Variants in NMBR observed in about 807,000 individuals in gnomAD.
NMBR encodes the protein neuromedin B receptor.
NMBR carries 16 observed loss-of-function variants against 20.5 expected under a neutral mutation model. That is an observed-to-expected ratio of 0.78 (90% CI 0.53 to 1.19). The LOEUF (loss-of-function observed/expected upper bound fraction) is 1.19, where lower values mean the gene tolerates loss of function less well. NMBR is among the 50% of genes most tolerant of loss of function. The pLI, the probability that NMBR is intolerant of heterozygous loss-of-function variation, is 0.00. For synonymous variants in NMBR, 212 were observed against 196.6 expected (o/e 1.08, Z -0.65); for missense variants, 582 against 499.1 (o/e 1.17, Z -1.58).
intron 1 of NMBR, among the ~76,000 whole-genome samples, chr6:142,102,284 G>A (rs1777579088): frequency 6.6e-6 from 1 of 151,726 alleles, no homozygotes; most frequent in Non-Finnish European, 1.5e-5. Context: ...CAGCTACTCA[G>A]GAGACTGAGG....
At chr6:142,108,335 A>G (rs974785556) in intron 1 of NMBR, among the ~76,000 whole-genome samples, 1 of 152,184 alleles carries the variant, frequency 6.6e-6, no homozygotes, top group Non-Finnish European at 1.5e-5. Context: ...GCATGATAAA[A>G]ATGACATTTA....
intron 1 of NMBR, among the ~76,000 whole-genome samples, chr6:142,114,276 G>C (rs552826330): frequency 8.0e-4 from 121 of 152,174 alleles, no homozygotes; most frequent in African/African-American, 2.8e-3. Context: ...TTGCTATTGT[G>C]TGAGATAATC....
intron 1 of NMBR, among the ~76,000 whole-genome samples, chr6:142,110,167 T>C (rs2114588950): frequency 6.6e-6 from 1 of 152,282 alleles, no homozygotes; most frequent in Non-Finnish European, 1.5e-5. Context: ...AGTCTGGCCA[T>C]TCCTCATAAG....
At chr6:142,138,225 A>G (rs979687908) in intron 1 of NMBR, among the ~76,000 whole-genome samples, 3 of 152,286 alleles carry the variant, frequency 2.0e-5, no homozygotes, top group Middle Eastern at 3.4e-3. Context: ...TTAGTAGGGA[A>G]ATCAGTATAG....
intron 1 of NMBR, among the ~76,000 whole-genome samples, chr6:142,137,303 T>C (rs1242286858): frequency 1.3e-5 from 2 of 152,140 alleles, no homozygotes; most frequent in Non-Finnish European, 2.9e-5. Flanking sequence ...GTTTGTCTGT[T>C]ATTGGTGTCT....
At chr6:142,128,508 C>T (rs1411579410) in intron 1 of NMBR, among the ~76,000 whole-genome samples, 1 of 151,890 alleles carries the variant, frequency 6.6e-6, no homozygotes, top group Admixed American at 6.6e-5. Context: ...GTGGGCTTTT[C>T]ATATATGGCC....
rs1452706129 is a variant in NMBR at position 142,121,613 on chromosome 6, A to G, written c.-664+25431T>C. On this transcript the variant is annotated intron_variant, in intron 1 of 3. Transcript: ENST00000258042. ...AGCTTAGCTTCAAAACACATTTTAAAACCTTTTTTTTTCATTTTCTGTTTT... is the reference window on the plus strand; with the variant it reads ...AGCTTAGCTTCAAAACACATTTTAAGACCTTTTTTTTTCATTTTCTGTTTT... Among the ~76,000 whole-genome samples, 8 of 151,852 alleles carry G rather than the reference A, an allele frequency of 5.3e-5. 1 individual carries two copies. Among genetic ancestry groups the G allele is most frequent in the Non-Finnish European group, 1.5e-5 (1 of 67,892 alleles).
At chr6:142,084,055 G>A (rs1055226550) in intron 2 of NMBR, among the ~76,000 whole-genome samples, 2 of 152,104 alleles carry the variant, frequency 1.3e-5, no homozygotes, top group Admixed American at 6.5e-5. Flanking sequence ...AGGGGCAGCT[G>A]GCTAACATGA....
At chr6:142,091,540 TTGTATTCAATA>T (rs1777323535) in intron 1 of NMBR, among the ~76,000 whole-genome samples, 1 of 152,192 alleles carries the variant, frequency 6.6e-6, no homozygotes, top group African/African-American at 2.4e-5. Context: ...AACTTTATTA[TTGTATTCAATA>T]TGTCATATAC....
intron 1 of NMBR, among the ~76,000 whole-genome samples, chr6:142,132,635 T>C (rs1213005936): frequency 1.3e-5 from 2 of 152,208 alleles, no homozygotes; most frequent in African/African-American, 4.8e-5. Flanking sequence ...TTAATTATAC[T>C]CTATGGAAGT....
At chr6:142,101,228 G>A (rs1278773382) in intron 1 of NMBR, among the ~76,000 whole-genome samples, 2 of 152,218 alleles carry the variant, frequency 1.3e-5, no homozygotes, top group African/African-American at 2.4e-5. Flanking sequence ...ATTAGCACAA[G>A]AGCAGGTTCC....
At chr6:142,097,111 C>T (rs1562238062) in intron 1 of NMBR, among the ~76,000 whole-genome samples, 1 of 152,036 alleles carries the variant, frequency 6.6e-6, no homozygotes, top group Non-Finnish European at 1.5e-5. Context: ...ACTGATGGGT[C>T]TTGACTCTTT....
chr6:142,088,623 G>A lies in NMBR; in HGVS notation c.36C>T (p.Thr12=). ...CGGAACCGCTCTCATTCGCGCCGGTGGTCACCGAGAGGTTGGAAAGAGACT... is the reference window on the plus strand; with the variant it reads ...CGGAACCGCTCTCATTCGCGCCGGTAGTCACCGAGAGGTTGGAAAGAGACT... ...PSKSLSNLSV[T]TGANESGSVP... is the part of the protein sequence containing the mutation. Residue 12 remains threonine, a synonymous_variant, in exon 2 of 4, where the codon ACC becomes ACT. Transcript: ENST00000258042. 1.2e-6 allele frequency: 2 copies of A among 1,606,840 alleles called. No homozygotes were observed. The highest frequency in any genetic ancestry group is 2.2e-5 in the South Asian group (2 of 91,036).
At chr6:142,141,798 C>T (rs768766525) in intron 1 of NMBR, among the ~76,000 whole-genome samples, 205 of 152,060 alleles carry the variant, frequency 1.3e-3, no homozygotes, top group Admixed American at 1.9e-3. Flanking sequence ...CCACCACGCC[C>T]GGCCTGAAGT....
At chr6:142,096,855 C>G (rs901180128) in intron 1 of NMBR, among the ~76,000 whole-genome samples, 2 of 151,388 alleles carry the variant, frequency 1.3e-5, no homozygotes, top group Non-Finnish European at 2.9e-5. Context: ...TCTGGGTGCT[C>G]CTGTATTGGG....
intron 1 of NMBR, among the ~76,000 whole-genome samples, chr6:142,130,743 T>A (rs1778124356): frequency 6.6e-6 from 1 of 152,086 alleles, no homozygotes; most frequent in African/African-American, 2.4e-5. Context: ...AGTTATTTAC[T>A]CAAGCATAGT....
chr6:142,123,779 T>A (rs58078308), intron 1 of NMBR, among the ~76,000 whole-genome samples: 1 of 151,834 alleles, frequency 6.6e-6, no homozygotes, highest in Non-Finnish European at 1.5e-5. Flanking sequence ...ATAGACAATA[T>A]GTAAATGAAA....
chr6:142,093,746 T>C (rs1177866755), intron 1 of NMBR, among the ~76,000 whole-genome samples: 2 of 152,286 alleles, frequency 1.3e-5, no homozygotes, highest in Admixed American at 6.5e-5. Flanking sequence ...CCATAATGGT[T>C]GAACTAGTTT....
chr6:142,078,930 T>C (rs1355490976), intron 2 of NMBR, 27 bp from the exon 3 acceptor site: 1 of 1,369,136 alleles, frequency 7.3e-7, no homozygotes, highest in African/African-American at 1.5e-5. Flanking sequence ...TCTCAAGTTA[T>C]TCCAGAAAGA....
Sources: allele counts gnomAD v4.1 joint callset (sites outside exome capture counted in the v4.1 genomes callset), GRCh38; gene constraint gnomAD v4.1.1; transcripts MANE v1.5; gene names NCBI Gene and HGNC (gene_info 2026-07-23, HGNC 2026-07-21).